Variants in TMPRSS4 observed in about 807,000 individuals in gnomAD.
TMPRSS4 encodes transmembrane protease serine 4.
In TMPRSS4, 45 loss-of-function variants were observed where a neutral mutation model predicts 56.4. The ratio of observed to expected loss-of-function variants is 0.80; its 90% CI spans 0.63 to 1.02. TMPRSS4 has a LOEUF of 1.02. TMPRSS4 is among the 50% of genes least tolerant of loss of function. TMPRSS4 has a pLI of 0.00. For missense variants in TMPRSS4, 546 were observed against 556.7 expected (o/e 0.98, Z 0.19); for synonymous variants, 205 against 211.0 (o/e 0.97, Z 0.25).
At chr11:118,088,000 C>T (rs1014645888) in intron 1 of TMPRSS4, among the ~76,000 whole-genome samples, 2 of 148,978 alleles carry the variant, frequency 1.3e-5, no homozygotes, top group African/African-American at 5.1e-5. Flanking sequence ...ACCTTCACAC[C>T]GAGGAAGAGC....
chr11:118,114,892 G>C lies in TMPRSS4; in HGVS notation c.974G>C (p.Trp325Ser). 6.2e-7 allele frequency: 1 copy of C among 1,607,150 alleles called. No homozygotes were observed. Among genetic ancestry groups the C allele is most frequent in the Non-Finnish European group, 8.5e-7 (1 of 1,176,880 alleles). The change falls in exon 10 of 13, where the codon TGG becomes TCG. Residue 325 changes from tryptophan to serine, a missense_variant. Trp to Ser is a radical substitution (Grantham distance 177). Transcript: ENST00000437212. ...DEELTPATPLWIIGWGFTKQN... is the reference protein window; with the variant it reads ...DEELTPATPLSIIGWGFTKQN... ...GAGCTCACTCCAGCCACCCCACTCT[G>C]GATCATTGGATGGGGCTTTACGAAG...
At chr11:118,108,969 C>T in intron 7 of TMPRSS4, 73 bp downstream of exon 7, 1 of 1,541,596 alleles carries the variant, frequency 6.5e-7, no homozygotes, top group South Asian at 1.2e-5. Flanking sequence ...TTCATCTTCA[C>T]TCCTAAATTT....
chr11:118,123,714 C>T (rs188486414), downstream of TMPRSS4, among the ~76,000 whole-genome samples: 35 of 152,160 alleles, frequency 2.3e-4, no homozygotes, highest in Non-Finnish European at 4.4e-4. Flanking sequence ...TTAGTAGAGA[C>T]GGGGTTTCAC....
chr11:118,113,344 G>A lies in TMPRSS4; in HGVS notation c.819G>A (p.Val273=). ...DKLGSFPSLA[V]AKIIIIEFNP... ...TGGGCAGCTTCCCATCCCTGGCTGT[G>A]GCCAAGATCATCATCATTGAATTCA... Residue 273 remains valine (V), a synonymous_variant, in exon 9 of 13, where the codon GTG becomes GTA. Transcript: ENST00000437212. The A allele has an allele frequency of 1.2e-6, 2 of 1,614,080 alleles. No individual in the cohort carries two copies. The highest frequency in any genetic ancestry group is 1.7e-6 in the Non-Finnish European group (2 of 1,180,020).
At chr11:118,123,885 C>T (rs1947844070), downstream of TMPRSS4, among the ~76,000 whole-genome samples, 1 of 151,996 alleles carries the variant, frequency 6.6e-6, no homozygotes, top group African/African-American at 2.4e-5. Context: ...TTGACCAGAT[C>T]CTGAGTTGAA....
Position 118,107,823 on chromosome 11 carries a change from G to T in TMPRSS4, c.490G>T (p.Val164Phe). 3.1e-6 allele frequency: 5 copies of T among 1,614,186 alleles called. No individual in the cohort carries two copies. The highest frequency in any genetic ancestry group is 4.2e-6 in the Non-Finnish European group (5 of 1,180,034). ...GATTGGCCCAGACCAGGATCTGGAT[G>T]TTGTTGAAATCACAGAAAACAGCCA... ...VEIGPDQDLD[V>F]VEITENSQEL... The change falls in exon 6 of 13, where the codon GTT becomes TTT. Residue 164 changes from valine to phenylalanine, a missense_variant. Transcript: ENST00000437212.
At chr11:118,122,511 G>A (rs1947815312), downstream of TMPRSS4, among the ~76,000 whole-genome samples, 1 of 152,140 alleles carries the variant, frequency 6.6e-6, no homozygotes, top group Admixed American at 6.5e-5. Context: ...TGCAAACAAA[G>A]AGAAGAAAAT....
chr11:118,093,267 C>T (rs1946079876), intron 1 of TMPRSS4, among the ~76,000 whole-genome samples: 1 of 152,306 alleles, frequency 6.6e-6, no homozygotes, highest in Non-Finnish European at 1.5e-5. Context: ...TCTGGGTCAC[C>T]CACTCAGGGA....
intron 10 of TMPRSS4, 60 bp from the exon 11 acceptor site, chr11:118,115,078 C>T: frequency 6.3e-7 from 1 of 1,577,774 alleles, no homozygotes; most frequent in Non-Finnish European, 8.6e-7. Context: ...AGTGGTTTGG[C>T]AATCCAGGGC....
intron 1 of TMPRSS4, among the ~76,000 whole-genome samples, chr11:118,082,896 C>T (rs572157801): frequency 3.2e-4 from 49 of 152,330 alleles, no homozygotes; most frequent in Non-Finnish European, 6.6e-4. Context: ...GAGGTCTTCT[C>T]GGCGAGTGGG....
intron 1 of TMPRSS4, among the ~76,000 whole-genome samples, chr11:118,090,330 G>A (rs1450856762): frequency 6.6e-6 from 1 of 152,106 alleles, no homozygotes; most frequent in Non-Finnish European, 1.5e-5. Context: ...TGCATTGTAG[G>A]AGACATCAGG....
chr11:118,118,119 G>A lies in TMPRSS4; in HGVS notation c.*206G>A. ...CGCCCAGAGGAAGTCAGCAGCCCTA[G>A]CTCGGCCACACTTGGTGCTCCCAGC... On this transcript the variant is annotated 3_prime_UTR_variant, in exon 13 of 13. Coordinates refer to ENST00000437212, the MANE Select transcript of TMPRSS4 (RefSeq NM_019894.4). The A allele has an allele frequency of 7.0e-7, 1 of 1,428,478 alleles. No individual in the cohort carries two copies. Among genetic ancestry groups the A allele is most frequent in the Admixed American group, 2.9e-5 (1 of 34,688 alleles). The allele number at this position is 1,428,478 out of a possible 1,614,324, so 88.5% of individuals were successfully genotyped here. A position where few individuals can be genotyped will look rare whatever the true frequency, so the allele number is the denominator to read the frequency against.
chr11:118,111,793 T>A lies in TMPRSS4; in HGVS notation c.636T>A (p.Ser212=). ...TPRVVGVEEA[S]VDSWPWQVSI... is the part of the protein sequence containing the mutation. ...GTGTGGTGGGTGTGGAGGAGGCCTCTGTGGATTCTTGGCCTTGGCAGGTCA... is the reference window on the plus strand; with the variant it reads ...GTGTGGTGGGTGTGGAGGAGGCCTCAGTGGATTCTTGGCCTTGGCAGGTCA... Residue 212 remains serine (S), a synonymous_variant, in exon 8 of 13, where the codon TCT becomes TCA. Coordinates refer to ENST00000437212, the MANE Select transcript of TMPRSS4 (RefSeq NM_019894.4). 2 of 1,604,872 alleles carry A rather than the reference T, an allele frequency of 1.2e-6. No individual in the cohort carries two copies. The highest frequency in any genetic ancestry group is 1.7e-6 in the Non-Finnish European group (2 of 1,176,062).
In TMPRSS4 at chr11:118,099,171, C is replaced by A. The variant is rs541544942; in HGVS notation, c.157+73C>A. 8.0e-5 allele frequency: 101 copies of A among 1,259,118 alleles called. No individual in the cohort carries two copies. In the African/African-American group the frequency reaches 1.3e-3, roughly 17 times the overall value. The allele number at this position is 1,259,118 out of a possible 1,614,324, so 78.0% of individuals were successfully genotyped here. ...GGCCCAACCCCCACCCCCGCACTCA[C>A]CCCTGAATAAGTGACAGTCCCCCAC... On this transcript the variant is annotated intron_variant, in intron 3 of 12. Coordinates refer to ENST00000437212, the MANE Select transcript of TMPRSS4 (RefSeq NM_019894.4).
chr11:118,103,376 C>CTTTGTTTGTTTGTTTG (rs11272932), intron 4 of TMPRSS4, 123 bp downstream of exon 4: 271,629 of 981,438 alleles, frequency 0.28, 49,148 homozygotes, highest in Non-Finnish European at 0.3. Context: ...GTATAAGGTT[C>CTTTGTTTGTTTGTTTG]TTTGTTTGTT....
chr11:118,091,715 T>G (rs567241531), intron 1 of TMPRSS4, among the ~76,000 whole-genome samples: 10 of 152,224 alleles, frequency 6.6e-5, no homozygotes, highest in Non-Finnish European at 1.5e-4. Context: ...CTGCCCATCC[T>G]GGTTGGCAGA....
chr11:118,099,463 G>GAAAT (rs1231129325), intron 3 of TMPRSS4, among the ~76,000 whole-genome samples: 1 of 22,276 alleles, frequency 4.5e-5, no homozygotes, highest in Non-Finnish European at 1.1e-4. Flanking sequence ...AAGAGAGAAA[G>GAAAT]AAAGAAAGAA....
chr11:118,096,842 A>AG (rs1946323971), intron 2 of TMPRSS4, among the ~76,000 whole-genome samples: 2 of 19,894 alleles, frequency 1.0e-4, no homozygotes, highest in African/African-American at 1.9e-4. Flanking sequence ...AAAGAAGGAA[A>AG]GAAGGAAAGA....
downstream of TMPRSS4, among the ~76,000 whole-genome samples, chr11:118,122,696 T>A (rs1947819090): frequency 6.6e-6 from 1 of 152,166 alleles, no homozygotes; most frequent in Non-Finnish European, 1.5e-5. Flanking sequence ...CTAATCAATA[T>A]AGATGAATGA....
Sources: allele counts gnomAD v4.1 joint callset (sites outside exome capture counted in the v4.1 genomes callset), GRCh38; gene constraint gnomAD v4.1.1; transcripts MANE v1.5; gene names NCBI Gene and HGNC (gene_info 2026-07-23, HGNC 2026-07-21).